PACRG: variants seen among roughly 807,000 people sequenced by gnomAD.
PACRG encodes the protein parkin coregulated.
A neutral mutation model predicts 29.7 loss-of-function variants in PACRG; 29 were observed. The ratio of observed to expected loss-of-function variants is 0.98; its 90% confidence interval spans 0.73 to 1.33. The LOEUF is 1.33. Among genes scored for constraint, PACRG ranks in the 40% most tolerant of loss-of-function variants. The pLI is 0.00. For missense variants in PACRG, 279 were observed against 316.2 expected, an observed-to-expected ratio of 0.88 and a Z score of 0.89; for synonymous variants, 116 against 118.7, an observed-to-expected ratio of 0.98 and a Z score of 0.15.
chr6:163,000,661 C>T (rs1804506136), intron 2 of PACRG, among the ~76,000 whole-genome samples: 1 of 152,248 alleles, frequency 6.6e-6, no homozygotes. Context: ...GGGGATGACA[C>T]ACATGGCCCA....
At chr6:162,773,958 A>G (rs945239797) in intron 1 of PACRG, among the ~76,000 whole-genome samples, 1 of 152,230 alleles carries the variant, frequency 6.6e-6, no homozygotes, top group Non-Finnish European at 1.5e-5. Context: ...CAAAAAATAT[A>G]AACTGCACCA....
chr6:163,063,866 G>A (rs1423230290), intron 3 of PACRG, among the ~76,000 whole-genome samples: 2 of 152,072 alleles, frequency 1.3e-5, no homozygotes, highest in Non-Finnish European at 2.9e-5. Context: ...TGTCAGGGAG[G>A]GTGTAGCGTC....
chr6:163,269,973 A>C (rs1034988635), intron 4 of PACRG, among the ~76,000 whole-genome samples: 1 of 105,500 alleles, frequency 9.5e-6, no homozygotes, highest in African/African-American at 4.0e-5. Flanking sequence ...GAAAGAAAGA[A>C]AGAAAGAAAG....
chr6:163,196,456 C>T (rs1780457010), intron 4 of PACRG, among the ~76,000 whole-genome samples: 2 of 152,320 alleles, frequency 1.3e-5, no homozygotes, highest in East Asian at 3.9e-4. Flanking sequence ...CTGCTCTGCA[C>T]CTTAGAGATG....
At chr6:162,967,806 A>AT (rs1801177912) in intron 2 of PACRG, among the ~76,000 whole-genome samples, 1 of 152,084 alleles carries the variant, frequency 6.6e-6, no homozygotes, top group Admixed American at 6.6e-5. Flanking sequence ...TAATGATATT[A>AT]TTTTACATCA....
chr6:162,751,352 G>A (rs1322852939), intron 1 of PACRG, among the ~76,000 whole-genome samples: 1 of 152,040 alleles, frequency 6.6e-6, no homozygotes, highest in East Asian at 1.9e-4. Context: ...AACAAATAGA[G>A]CCTACTGAGA....
intron 1 of PACRG, among the ~76,000 whole-genome samples, chr6:162,786,579 A>G (rs529285046): frequency 2.7e-4 from 41 of 152,348 alleles, no homozygotes; most frequent in African/African-American, 9.1e-4. Context: ...GGGTAGAGCC[A>G]TAGTGTAGAG....
At chr6:162,911,784 C>A (rs1334410503) in intron 2 of PACRG, among the ~76,000 whole-genome samples, 2 of 152,040 alleles carry the variant, frequency 1.3e-5, no homozygotes, top group East Asian at 1.9e-4. Flanking sequence ...AGTGATAATG[C>A]TGTGACCTAG....
chr6:163,291,153 C>CA (rs1784587658), intron 4 of PACRG, among the ~76,000 whole-genome samples: 1 of 147,450 alleles, frequency 6.8e-6, no homozygotes, highest in South Asian at 2.1e-4. Context: ...AGCTGGCCTG[C>CA]GGGTCACCCT....
chr6:162,979,372 G>A (rs1356299871), intron 2 of PACRG, among the ~76,000 whole-genome samples: 1 of 151,950 alleles, frequency 6.6e-6, no homozygotes, highest in East Asian at 1.9e-4. Context: ...TTTCTTTATT[G>A]GATTATTTTT....
chr6:163,280,213 T>G (rs1784182930), intron 4 of PACRG, among the ~76,000 whole-genome samples: 1 of 152,232 alleles, frequency 6.6e-6, no homozygotes, highest in Non-Finnish European at 1.5e-5. Context: ...GGAGTGAGTC[T>G]GCCACCTCTA....
chr6:163,166,075 T>G (rs762534314), intron 4 of PACRG: 28 of 456,244 alleles, frequency 6.1e-5, no homozygotes, highest in African/African-American at 3.4e-4. Context: ...GATGCATTGT[T>G]TGGAGTAACA....
chr6:163,197,894 T>A (rs1465292461), intron 4 of PACRG, among the ~76,000 whole-genome samples: 2 of 152,212 alleles, frequency 1.3e-5, no homozygotes. Flanking sequence ...AAGGATAGCA[T>A]CCCTGTCCAT....
At chr6:162,872,470 T>G (rs1792907647) in intron 2 of PACRG, among the ~76,000 whole-genome samples, 1 of 152,232 alleles carries the variant, frequency 6.6e-6, no homozygotes, top group African/African-American at 2.4e-5. Flanking sequence ...TTTAAATGTA[T>G]CATTACCCCA....
intron 2 of PACRG, among the ~76,000 whole-genome samples, chr6:162,899,719 C>T (rs1373330894): frequency 6.6e-6 from 1 of 152,192 alleles, no homozygotes; most frequent in Admixed American, 6.5e-5. Flanking sequence ...ACAGGAGTCA[C>T]TTGGCATGGC....
intron 3 of PACRG, among the ~76,000 whole-genome samples, chr6:163,081,839 A>G (rs904034429): frequency 2.0e-5 from 3 of 152,198 alleles, no homozygotes; most frequent in Non-Finnish European, 4.4e-5. Flanking sequence ...ATTAAAATAC[A>G]TAAGAATGAT....
At chr6:162,926,625 C>T (rs528735111) in intron 2 of PACRG, among the ~76,000 whole-genome samples, 52 of 152,236 alleles carry the variant, frequency 3.4e-4, no homozygotes, top group African/African-American at 1.1e-3. Flanking sequence ...AAACTGGGTC[C>T]CTTCCTTACA....
At chr6:163,170,496 C>G (rs1380221435) in intron 4 of PACRG, 2 of 152,280 alleles carry the variant, frequency 1.3e-5, no homozygotes, top group Non-Finnish European at 2.9e-5. Flanking sequence ...TACCCAGAAT[C>G]CCCTGCTCCC....
intron 1 of PACRG, among the ~76,000 whole-genome samples, chr6:162,795,294 A>G (rs1785283593): frequency 6.6e-6 from 1 of 152,100 alleles, no homozygotes; most frequent in Non-Finnish European, 1.5e-5. Context: ...TAGGACACTT[A>G]TTCTTTCTTT....
Sources: gnomAD v4.1 joint callset for allele counts (sites outside exome capture counted in the v4.1 genomes callset) on GRCh38, gnomAD v4.1.1 for gene constraint, MANE v1.5 for transcripts, NCBI Gene and HGNC (gene_info 2026-07-23, HGNC 2026-07-21) for gene names.